The following PTPRM variants were observed in gnomAD, a reference collection of about 807,000 sequenced individuals.
The protein encoded by PTPRM is receptor-type tyrosine-protein phosphatase mu.
In PTPRM, 47 loss-of-function variants were observed where a neutral mutation model predicts 186.7. That is an observed-to-expected ratio of 0.25 (90% CI 0.20 to 0.32). The LOEUF is 0.32. Among genes scored for constraint, PTPRM ranks in the 10% least tolerant of loss-of-function variants. PTPRM has a pLI of 1.00. For missense variants in PTPRM, 1,494 were observed against 1,865.0 expected, an observed-to-expected ratio of 0.80 and a Z score of 3.66; for synonymous variants, 668 against 674.9, an observed-to-expected ratio of 0.99 and a Z score of 0.16.
intron 2 of PTPRM, among the ~76,000 whole-genome samples, chr18:7,797,595 C>CA (rs2043729646): frequency 3.3e-5 from 5 of 152,224 alleles, no homozygotes; most frequent in Admixed American, 3.3e-4. Flanking sequence ...CATGTGAACT[C>CA]ATGTGGGCTT....
intron 1 of PTPRM, among the ~76,000 whole-genome samples, chr18:7,648,440 A>G (rs1421304227): frequency 6.6e-6 from 1 of 152,204 alleles, no homozygotes; most frequent in African/African-American, 2.4e-5. Context: ...TTGCTTGGTG[A>G]GGAAAGCATG....
At chr18:8,303,859 G>T (rs998327750) in intron 20 of PTPRM, among the ~76,000 whole-genome samples, 1 of 152,154 alleles carries the variant, frequency 6.6e-6, no homozygotes, top group South Asian at 2.1e-4. Flanking sequence ...CGGGTAAGGC[G>T]CCAAGCACTT....
At chr18:8,048,001 T>C (rs2087189105) in intron 7 of PTPRM, among the ~76,000 whole-genome samples, 1 of 152,176 alleles carries the variant, frequency 6.6e-6, no homozygotes, top group South Asian at 2.1e-4. Flanking sequence ...CCATTTTCAG[T>C]AAATAAATGA....
intron 19 of PTPRM, among the ~76,000 whole-genome samples, chr18:8,277,133 T>C (rs577196206): frequency 5.9e-5 from 9 of 152,078 alleles, no homozygotes; most frequent in Non-Finnish European, 1.3e-4. Flanking sequence ...GATGGGGTTT[T>C]ACCATGTTGG....
intron 7 of PTPRM, among the ~76,000 whole-genome samples, chr18:7,960,693 G>C (rs1211197701): frequency 6.6e-6 from 1 of 151,934 alleles, no homozygotes; most frequent in Non-Finnish European, 1.5e-5. Flanking sequence ...AGGAGTTGGA[G>C]ATTGCAGTGA....
Position 8,099,836 on chromosome 18 carries a change from G to A in PTPRM, c.1856+10985G>A, listed in dbSNP as rs7239736. Among the ~76,000 whole-genome samples the A allele has an allele frequency of 4.5e-3, 693 of 152,310 alleles. 3 individuals carry two copies. The highest frequency in any genetic ancestry group is 7.1e-3 in the Non-Finnish European group (486 of 68,024). On this transcript the variant is annotated intron_variant, in intron 11 of 32. Transcript: ENST00000580170. ...ACAAGAAGACTTGGGTTTGAATCTC[G>A]GCTGGGACATTTACTAATTGTGTGA...
intron 14 of PTPRM, among the ~76,000 whole-genome samples, chr18:8,156,737 G>A (rs2093129468): frequency 6.6e-6 from 1 of 152,152 alleles, no homozygotes; most frequent in African/African-American, 2.4e-5. Flanking sequence ...TCATCAGCTT[G>A]TTGCAGTTTA....
chr18:8,057,606 C>A (rs1392268341), intron 7 of PTPRM, among the ~76,000 whole-genome samples: 22 of 103,338 alleles, frequency 2.1e-4, no homozygotes, highest in Non-Finnish European at 3.7e-4. Context: ...CTCCCCCCTC[C>A]CCCCACCCCA....
chr18:7,803,565 A>G (rs920515892), intron 2 of PTPRM, among the ~76,000 whole-genome samples: 5 of 152,156 alleles, frequency 3.3e-5, no homozygotes, highest in Non-Finnish European at 5.9e-5. Context: ...TGGGGCTGCT[A>G]TTATTCTGCA....
At chr18:8,318,120 C>A (rs2095322254) in intron 21 of PTPRM, among the ~76,000 whole-genome samples, 1 of 151,884 alleles carries the variant, frequency 6.6e-6, no homozygotes, top group Non-Finnish European at 1.5e-5. Flanking sequence ...CTTCAAGTTT[C>A]TTTTTTCTGT....
At chr18:7,612,402 G>A (rs1010283696) in intron 1 of PTPRM, among the ~76,000 whole-genome samples, 5 of 152,158 alleles carry the variant, frequency 3.3e-5, no homozygotes, top group Middle Eastern at 3.4e-3. Context: ...TTAAGTCTAC[G>A]TTCTGGGCAT....
intron 14 of PTPRM, among the ~76,000 whole-genome samples, chr18:8,177,956 A>T (rs2093510825): frequency 1.3e-5 from 2 of 152,146 alleles, no homozygotes; most frequent in Admixed American, 6.5e-5. Context: ...AGTTGTGCAC[A>T]TGCTCACTTA....
chr18:8,379,139 C>T, intron 27 of PTPRM, 28 bp from the exon 28 acceptor site: 4 of 1,547,412 alleles, frequency 2.6e-6, no homozygotes, highest in Non-Finnish European at 3.5e-6. Flanking sequence ...GGCTTCTTGT[C>T]CTCATGTTCC....
intron 1 of PTPRM, among the ~76,000 whole-genome samples, chr18:7,623,549 A>G (rs1323694625): frequency 6.6e-6 from 1 of 152,270 alleles, no homozygotes; most frequent in East Asian, 1.9e-4. Flanking sequence ...GTCTTAGAAA[A>G]TATGATTTTT....
chr18:8,296,238 C>G, intron 19 of PTPRM, 130 bp from the exon 20 acceptor site: 3 of 629,460 alleles, frequency 4.8e-6, no homozygotes, highest in South Asian at 4.1e-5. Flanking sequence ...GTAATAATCC[C>G]TTGTCTCATT....
chr18:8,382,785 C>A (rs917577510), intron 29 of PTPRM, among the ~76,000 whole-genome samples: 7 of 152,114 alleles, frequency 4.6e-5, no homozygotes, highest in African/African-American at 1.7e-4. Flanking sequence ...TATAAATCAA[C>A]CTTAGCAACC....
intron 3 of PTPRM, among the ~76,000 whole-genome samples, chr18:7,894,879 C>A (rs964923133): frequency 6.6e-6 from 1 of 152,128 alleles, no homozygotes. Context: ...TTCTAGAATT[C>A]TAAAATATTA....
At chr18:8,126,027 A>ATATATATATATATTT (rs57751538) in intron 13 of PTPRM, among the ~76,000 whole-genome samples, 7 of 69,530 alleles carry the variant, frequency 1.0e-4, no homozygotes, top group Admixed American at 2.1e-4. Flanking sequence ...ATATATATAT[A>ATATATATATATATTT]TTTTAAATCA....
intron 1 of PTPRM, among the ~76,000 whole-genome samples, chr18:7,633,606 C>A (rs897161667): frequency 2.6e-5 from 4 of 152,268 alleles, no homozygotes; most frequent in Admixed American, 2.0e-4. Context: ...TTTGACAGAT[C>A]TAATTTCAAA....
Sources: gnomAD v4.1 joint callset for allele counts (sites outside exome capture counted in the v4.1 genomes callset) on GRCh38, gnomAD v4.1.1 for gene constraint, MANE v1.5 for transcripts, NCBI Gene and HGNC (gene_info 2026-07-23, HGNC 2026-07-21) for gene names.